Variants in GPC5 observed in about 807,000 individuals in gnomAD.
GPC5 encodes the protein glypican 5.
A neutral mutation model predicts 53.9 loss-of-function variants in GPC5; 47 were observed. That is an observed-to-expected ratio of 0.87 (90% CI 0.69 to 1.11). GPC5 has a LOEUF of 1.11. Ranked by LOEUF, GPC5 falls within the 50% of genes most tolerant of loss-of-function variation. The pLI is 0.00. For missense variants in GPC5, 748 were observed against 713.1 expected (o/e 1.05, Z -0.56); for synonymous variants, 286 against 263.3 (o/e 1.09, Z -0.84).
chr13:91,760,356 C>T (rs1346620781), intron 5 of GPC5, among the ~76,000 whole-genome samples: 1 of 152,130 alleles, frequency 6.6e-6, no homozygotes, highest in Non-Finnish European at 1.5e-5. Context: ...TAGCAGTGAT[C>T]TGTGGTGAAA....
chr13:92,035,460 G>A (rs1197642670), intron 6 of GPC5, among the ~76,000 whole-genome samples: 1 of 151,990 alleles, frequency 6.6e-6, no homozygotes, highest in Non-Finnish European at 1.5e-5. Flanking sequence ...GTCCCAATTG[G>A]CATTTTAGTT....
intron 7 of GPC5, among the ~76,000 whole-genome samples, chr13:92,549,920 CAA>C (rs1491450506): frequency 7.2e-6 from 1 of 139,780 alleles, no homozygotes; most frequent in African/African-American, 2.9e-5. Context: ...CACACACACA[CAA>C]TTCTTTTTTG....
chr13:92,835,789 G>A (rs1268968261), intron 7 of GPC5, among the ~76,000 whole-genome samples: 2 of 151,932 alleles, frequency 1.3e-5, no homozygotes, highest in East Asian at 1.9e-4. Context: ...AAGCTCAAAT[G>A]CTCAACATCT....
chr13:91,944,811 C>T (rs1278875609), intron 6 of GPC5, among the ~76,000 whole-genome samples: 2 of 152,170 alleles, frequency 1.3e-5, no homozygotes, highest in East Asian at 1.9e-4. Flanking sequence ...TAACTGTACA[C>T]TTTATAGCTG....
intron 6 of GPC5, among the ~76,000 whole-genome samples, chr13:91,985,236 T>TA (rs1203560472): frequency 6.6e-6 from 1 of 152,230 alleles, no homozygotes; most frequent in Non-Finnish European, 1.5e-5. Context: ...ATTTTTGCCT[T>TA]AAAGTCGGCT....
chr13:92,168,358 A>C (rs745867666), intron 7 of GPC5, among the ~76,000 whole-genome samples: 16 of 152,340 alleles, frequency 1.1e-4, no homozygotes, highest in Non-Finnish European at 2.4e-4. Flanking sequence ...TAAACTATAG[A>C]GCTTCCGCAC....
chr13:92,863,863 G>A (rs765922435), intron 7 of GPC5, among the ~76,000 whole-genome samples: 2 of 151,988 alleles, frequency 1.3e-5, no homozygotes, highest in African/African-American at 2.4e-5. Flanking sequence ...TTTTAATAAC[G>A]CAATTTTCTT....
intron 1 of GPC5, among the ~76,000 whole-genome samples, chr13:91,423,417 A>G (rs1878781386): frequency 6.6e-6 from 1 of 152,246 alleles, no homozygotes; most frequent in African/African-American, 2.4e-5. Context: ...TTAAATGGCC[A>G]AAAGCCAGGT....
intron 7 of GPC5, among the ~76,000 whole-genome samples, chr13:92,790,329 GAA>G (rs1876416655): frequency 1.3e-5 from 2 of 152,138 alleles, no homozygotes; most frequent in African/African-American, 4.8e-5. Flanking sequence ...GGAGTCAAAA[GAA>G]GAGATAATTT....
At chr13:92,773,279 C>G (rs1010452354) in intron 7 of GPC5, among the ~76,000 whole-genome samples, 1 of 152,144 alleles carries the variant, frequency 6.6e-6, no homozygotes, top group African/African-American at 2.4e-5. Flanking sequence ...AACTAATAAT[C>G]TCATAATGGC....
At chr13:92,053,421 A>G (rs1193432220) in intron 6 of GPC5, among the ~76,000 whole-genome samples, 1 of 152,198 alleles carries the variant, frequency 6.6e-6, no homozygotes, top group East Asian at 1.9e-4. Flanking sequence ...CCATGAAGGT[A>G]CTGAGCCGAG....
chr13:91,597,758 A>G (rs1256471864), intron 2 of GPC5, among the ~76,000 whole-genome samples: 4 of 152,006 alleles, frequency 2.6e-5, no homozygotes, highest in Non-Finnish European at 5.9e-5. Context: ...GGGGTCCAAA[A>G]TGGGGCATAT....
At chr13:92,044,694 A>G (rs1354094737) in intron 6 of GPC5, among the ~76,000 whole-genome samples, 3 of 152,228 alleles carry the variant, frequency 2.0e-5, no homozygotes, top group East Asian at 1.9e-4. Flanking sequence ...CTTATCAACC[A>G]GCTTTTAATA....
At chr13:92,585,909 G>A (rs1295027789) in intron 7 of GPC5, among the ~76,000 whole-genome samples, 1 of 152,174 alleles carries the variant, frequency 6.6e-6, no homozygotes, top group Non-Finnish European at 1.5e-5. Context: ...TGCCATGATT[G>A]TGAGACTTCC....
chr13:92,381,681 C>T (rs1418787475), intron 7 of GPC5, among the ~76,000 whole-genome samples: 3 of 151,622 alleles, frequency 2.0e-5, no homozygotes, highest in African/African-American at 4.8e-5. Flanking sequence ...AGACATGATT[C>T]GAAAACGACA....
chr13:92,040,654 T>C (rs1412626039), intron 6 of GPC5, among the ~76,000 whole-genome samples: 1 of 152,188 alleles, frequency 6.6e-6, no homozygotes, highest in Non-Finnish European at 1.5e-5. Context: ...TTTACTCCTT[T>C]AACCCACTGC....
intron 7 of GPC5, among the ~76,000 whole-genome samples, chr13:92,369,541 G>A (rs1391728424): frequency 6.6e-6 from 1 of 152,156 alleles, no homozygotes; most frequent in Non-Finnish European, 1.5e-5. Context: ...AAATTGAACA[G>A]TATGCACTCA....
intron 7 of GPC5, among the ~76,000 whole-genome samples, chr13:92,486,249 G>C (rs993486): frequency 0.8 from 122,367 of 152,080 alleles, 49,472 homozygotes; most frequent in East Asian, 0.95. Context: ...ATTGACGGAT[G>C]TCAGTGACAA....
chr13:91,921,894 C>T (rs946708303), intron 6 of GPC5, among the ~76,000 whole-genome samples: 1 of 152,020 alleles, frequency 6.6e-6, no homozygotes, highest in Non-Finnish European at 1.5e-5. Flanking sequence ...TCTTTTGAGC[C>T]TAGGAGTTCA....
Sources: allele counts gnomAD v4.1 joint callset (sites outside exome capture counted in the v4.1 genomes callset), GRCh38; gene constraint gnomAD v4.1.1; transcripts MANE v1.5; gene names NCBI Gene and HGNC (gene_info 2026-07-23, HGNC 2026-07-21).